PLEKHG7: variants seen among roughly 807,000 people sequenced by gnomAD.
PLEKHG7 encodes the protein pleckstrin homology and RhoGEF domain containing G7, also known as pleckstrin homology domain-containing family G member 7.
Under a neutral mutation model 85.2 loss-of-function variants are expected in PLEKHG7, and 77 were observed. The ratio of observed to expected loss-of-function variants is 0.90; its 90% confidence interval spans 0.75 to 1.09. The LOEUF is 1.09. Ranked by LOEUF, PLEKHG7 falls within the 50% of genes least tolerant of loss-of-function variation. PLEKHG7 has a pLI of 0.00. For missense variants in PLEKHG7, 777 were observed against 804.3 expected (o/e 0.97, Z 0.41); for synonymous variants, 301 against 302.4 (o/e 1.00, Z 0.05).
At chr12:92,749,926 A>ATTTTATTTTATAT (rs1171322619) in intron 10 of PLEKHG7, among the ~76,000 whole-genome samples, 2 of 105,270 alleles carry the variant, frequency 1.9e-5, no homozygotes, top group Non-Finnish European at 3.9e-5. Flanking sequence ...ATTTTATTTT[A>ATTTTATTTTATAT]TTTATTTTAT....
chr12:92,727,436 G>T (rs920414582), intron 3 of PLEKHG7, among the ~76,000 whole-genome samples: 1 of 151,930 alleles, frequency 6.6e-6, no homozygotes, highest in Non-Finnish European at 1.5e-5. Flanking sequence ...CCCACTTTTG[G>T]AGTCTATTGT....
chr12:92,756,360 C>A lies in PLEKHG7; in HGVS notation c.1605C>A (p.His535Gln). 1 of 1,613,166 alleles carries A rather than the reference C, an allele frequency of 6.2e-7. No individual in the cohort carries two copies. The highest frequency in any genetic ancestry group is 1.7e-4 in the Middle Eastern group (1 of 6,052). The change falls in exon 13 of 17, where the codon CAC (histidine) becomes CAA (glutamine). Residue 535 changes from histidine to glutamine, a missense_variant. This residue lies in a region of PLEKHG7 where 520 missense variants were observed against 544.0 expected (regional missense o/e 0.96). Transcript: ENST00000344636. ...ACATCTTGTCACCAACCAGCAGACA[C>A]CTTCTCTATGAAGGAAAATTAACTC... ...AENILSPTSRHLLYEGKLTLA... is the reference protein window; with the variant it reads ...AENILSPTSRQLLYEGKLTLA...
At position 92,711,226 on chromosome 12, in the gene PLEKHG7, G is replaced by T. The variant is rs145191319; in HGVS notation, c.530+3554G>T. On this transcript the variant is annotated intron_variant, in intron 3 of 16. Coordinates refer to ENST00000344636, the MANE Select transcript of PLEKHG7 (RefSeq NM_001377329.1). ...AGAAAAGGCTTGTAGTGCTACAGCT[G>T]TCCACTTTTGGGTGGTGCCTGCATA... 3.1e-4 allele frequency among the ~76,000 whole-genome samples: 47 copies of T among 152,290 alleles called. No homozygotes were observed. In the East Asian group the frequency reaches 6.9e-3, roughly 23 times the overall value.
chr12:92,725,726 T>C (rs1871774300), intron 3 of PLEKHG7, among the ~76,000 whole-genome samples: 1 of 152,202 alleles, frequency 6.6e-6, no homozygotes. Flanking sequence ...AACCACTAAT[T>C]ATAAATTCCT....
chr12:92,715,049 T>C (rs766201857), intron 3 of PLEKHG7, among the ~76,000 whole-genome samples: 2 of 152,006 alleles, frequency 1.3e-5, no homozygotes, highest in Non-Finnish European at 2.9e-5. Context: ...GATAGATAGA[T>C]AGATAGATAG....
chr12:92,721,384 G>A, intron 3 of PLEKHG7: 2 of 1,114,108 alleles, frequency 1.8e-6, no homozygotes, highest in South Asian at 9.1e-5. Context: ...TGCTTTCTCA[G>A]CCCACACCAT....
intron 2 of PLEKHG7, 36 bp from the exon 3 acceptor site, chr12:92,707,614 C>A (rs751054010): frequency 6.2e-7 from 1 of 1,606,630 alleles, no homozygotes; most frequent in East Asian, 2.2e-5. Flanking sequence ...TGGGTTTGAG[C>A]AAGACTAAAA....
Position 92,720,616 on chromosome 12 carries a change from G to C in PLEKHG7, c.531-8377G>C, listed in dbSNP as rs547620050. 1.2e-4 allele frequency among the ~76,000 whole-genome samples: 18 copies of C among 152,274 alleles called. No individual in the cohort carries two copies. The East Asian group carries it at 3.3e-3, about 28-fold the overall frequency. On this transcript the variant is annotated intron_variant, in intron 3 of 16. Transcript: ENST00000344636. ...ACTGGGATTACAGGCGTGAGCTACT[G>C]AGCCTGGACTCTTAAGTGTCTTTTA... is the stretch of plus-strand genomic sequence containing the variant.
intron 5 of PLEKHG7, 78 bp downstream of exon 5, chr12:92,732,351 C>G: frequency 1.2e-6 from 1 of 819,808 alleles, no homozygotes; most frequent in Non-Finnish European, 1.6e-6. Context: ...TGAAGAGTCT[C>G]TTCATTCTGC....
Position 92,706,713 on chromosome 12 carries a change from C to T in PLEKHG7, c.82C>T (p.Pro28Ser), listed in dbSNP as rs761184263. The T allele has an allele frequency of 1.2e-6, 2 of 1,614,134 alleles. No individual in the cohort carries two copies. The highest frequency in any genetic ancestry group is 1.3e-5 in the African/African-American group (1 of 75,036). The change falls in exon 2 of 17, where the codon CCA becomes TCA. Residue 28 changes from proline to serine, a missense_variant. This residue lies in a region of PLEKHG7 where 252 missense variants were observed against 241.9 expected (regional missense o/e 1.04). Coordinates refer to ENST00000344636, the MANE Select transcript of PLEKHG7 (RefSeq NM_001377329.1). ...ASPRPSLRSL[P>S]KNQGSLLQFD... is the part of the protein sequence containing the mutation. ...TCCTCGGCCCTCGCTGAGGAGCCTG[C>T]CAAAGAACCAGGGGAGTCTCCTCCA... is the stretch of plus-strand genomic sequence containing the variant.
At chr12:92,736,272 G>A (rs998594058) in intron 5 of PLEKHG7, among the ~76,000 whole-genome samples, 3 of 151,722 alleles carry the variant, frequency 2.0e-5, no homozygotes, top group Non-Finnish European at 2.9e-5. Context: ...GTAGTCTCAC[G>A]GGCCTGTGTC....
chr12:92,725,928 C>T (rs903780522), intron 3 of PLEKHG7, among the ~76,000 whole-genome samples: 1 of 152,048 alleles, frequency 6.6e-6, no homozygotes, highest in African/African-American at 2.4e-5. Flanking sequence ...ATACAGAAGC[C>T]CACTTCAGAT....
chr12:92,729,639 A>G (rs1871926730), intron 4 of PLEKHG7, among the ~76,000 whole-genome samples: 1 of 152,118 alleles, frequency 6.6e-6, no homozygotes. Context: ...AAATAAAAGA[A>G]CAATTAGGGT....
intron 3 of PLEKHG7, among the ~76,000 whole-genome samples, chr12:92,723,117 G>T (rs1159342225): frequency 6.6e-6 from 1 of 152,200 alleles, no homozygotes; most frequent in African/African-American, 2.4e-5. Flanking sequence ...GCATGGAGGC[G>T]TAAAGTGCAC....
In PLEKHG7 at chr12:92,729,050, C is replaced by T. The variant is rs1005210632; in HGVS notation, c.588C>T (p.Phe196=). The change falls in exon 4 of 17, where the codon TTC becomes TTT. Residue 196 remains phenylalanine, a synonymous_variant. Coordinates refer to ENST00000344636, the MANE Select transcript of PLEKHG7 (RefSeq NM_001377329.1). Reference sequence around the variant, plus strand: ...TGAACTTACCTGGACTTGAGGTGTTCCCCGGGGACCTTCTGGTGTCAGATG... The same window carrying T: ...TGAACTTACCTGGACTTGAGGTGTTTCCCGGGGACCTTCTGGTGTCAGATG... ...VVLNLPGLEV[F]PGDLLVSDGA... The T allele has an allele frequency of 4.9e-6, 6 of 1,231,672 alleles. No homozygotes were observed. Among genetic ancestry groups the T allele is most frequent in the Non-Finnish European group, 5.1e-6 (5 of 987,798 alleles). The allele number at this position is 1,231,672 out of a possible 1,614,324, so 76.3% of individuals were successfully genotyped here.
At chr12:92,734,097 A>C (rs1415317434) in intron 5 of PLEKHG7, among the ~76,000 whole-genome samples, 1 of 152,244 alleles carries the variant, frequency 6.6e-6, no homozygotes, top group Non-Finnish European at 1.5e-5. Flanking sequence ...CTTCACTTTC[A>C]CAAGAACACA....
In PLEKHG7 at chr12:92,754,282, G is replaced by A. The variant is rs771185502; in HGVS notation, c.1426+18G>A. The stretch of plus-strand genomic sequence containing the variant: ...GTCCATCCGTAAGTCCCTGAGATAA[G>A]TGAGCTTAATTACAGAATTGTGGCC... On this transcript the variant is annotated intron_variant, in intron 11 of 16. Coordinates refer to ENST00000344636, the MANE Select transcript of PLEKHG7 (RefSeq NM_001377329.1). 39 of 1,610,594 alleles carry A rather than the reference G, an allele frequency of 2.4e-5. No homozygotes were observed. The highest frequency in any genetic ancestry group is 8.3e-5 in the Admixed American group (5 of 59,986).
chr12:92,748,036 T>C (rs1872584017), intron 10 of PLEKHG7, among the ~76,000 whole-genome samples: 2 of 152,182 alleles, frequency 1.3e-5, no homozygotes, highest in Admixed American at 1.3e-4. Context: ...ACTAGAAGAT[T>C]TGAAATGTTC....
chr12:92,768,268 A>C (rs746388818), intron 15 of PLEKHG7, among the ~76,000 whole-genome samples: 2 of 152,140 alleles, frequency 1.3e-5, no homozygotes, highest in Non-Finnish European at 2.9e-5. Context: ...TTGTATTAAT[A>C]ATTCAAAGAA....
Sources: gnomAD v4.1 joint callset for allele counts (sites outside exome capture counted in the v4.1 genomes callset) on GRCh38, gnomAD v4.1.1 for gene constraint, gnomAD v4.1.1 regional missense constraint, MANE v1.5 for transcripts, NCBI Gene and HGNC (gene_info 2026-07-23, HGNC 2026-07-21) for gene names.